Variants in PRCD observed in about 807,000 individuals in gnomAD.
The protein encoded by PRCD is photoreceptor disk component PRCD.
A neutral mutation model predicts 10.1 loss-of-function variants in PRCD; 12 were observed. That is an observed-to-expected ratio of 1.18 (90% CI 0.76 to 1.92). The LOEUF is 1.92. Ranked by LOEUF, PRCD falls within the 40% of genes most tolerant of loss-of-function variation. The pLI is 0.00. For synonymous variants in PRCD, 31 were observed against 26.2 expected, an observed-to-expected ratio of 1.18 and a Z score of -0.56; for missense variants, 61 against 72.2, an observed-to-expected ratio of 0.84 and a Z score of 0.56.
In PRCD at chr17:76,544,377, G is replaced by T; in HGVS notation, c.*727G>T. The T allele has an allele frequency of 2.2e-6, 1 of 454,850 alleles. No individual in the cohort carries two copies. The highest frequency in any genetic ancestry group is 4.4e-6 in the Non-Finnish European group (1 of 226,952). The allele number at this position is 454,850 out of a possible 1,614,324, so 28.2% of individuals were successfully genotyped here. On this transcript the variant is annotated 3_prime_UTR_variant, in exon 5 of 5. Coordinates refer to ENST00000592014, the MANE Select transcript of PRCD (RefSeq NM_001077620.3). ...AAGGGAAGGAAGGGAAAGGGTGAGG[G>T]ATGCCGCAGAGCAGAGGGAACCGCT... is the stretch of plus-strand genomic sequence containing the variant.
chr17:76,548,717 A>G (rs529140448), downstream of PRCD, among the ~76,000 whole-genome samples: 8 of 152,242 alleles, frequency 5.3e-5, no homozygotes, highest in Non-Finnish European at 1.0e-4. Flanking sequence ...GACTTTCCCA[A>G]TCGAAAGCAA....
rs1426416432 is a variant in PRCD, at chr17:76,544,698, AGGGCACT to A, written c.*1050_*1056del. 3 of 456,740 alleles carry A rather than the reference AGGGCACT, an allele frequency of 6.6e-6. No homozygotes were observed. Among genetic ancestry groups the A allele is most frequent in the Non-Finnish European group, 1.3e-5 (3 of 226,972 alleles). 28.3% of individuals were successfully genotyped at this position (456,740 alleles called of 1,614,324 possible). ...ACAGGCCTGTCAGGCTGAGGGCCAG[AGGGCACT>A]GTTCCCGGGACCCAGTCTGTGTTCC... On this transcript the variant is annotated 3_prime_UTR_variant, in exon 5 of 5. Transcript: ENST00000592014.
chr17:76,533,312 C>T lies in PRCD; in HGVS notation n.45+5479C>T, dbSNP rs9903722. Among the ~76,000 whole-genome samples, 28,268 of 152,130 alleles carry T rather than the reference C, an allele frequency of 0.19. 2,729 individuals carry two copies. Among genetic ancestry groups the T allele is most frequent in the South Asian group, 0.25 (1,206 of 4,828 alleles). ...ACACGGGTGAGGACACGTGAGGCGA[C>T]GGGTCTGAAAATACATTGAATTTTC... On this transcript the variant is annotated intron_variant and non_coding_transcript_variant, in intron 1 of 4. Coordinates refer to the PRCD transcript ENST00000397633. The surrounding 1 kb of genome is among the most constrained non-coding windows in gnomAD (Gnocchi z 4.5).
rs1312524428 is a variant in PRCD at position 76,540,847 on chromosome 17, A to C, written c.143+274A>C. ...GCGGTCCCCCGGGGCACCTTCTGTCAGAAGGCACAGGGGAGTGGAAGGAGG... is the reference window on the plus strand; with the variant it reads ...GCGGTCCCCCGGGGCACCTTCTGTCCGAAGGCACAGGGGAGTGGAAGGAGG... On this transcript the variant is annotated intron_variant, in intron 2 of 4. Transcript: ENST00000592014. This position sits in a 1 kb window ranked among gnomAD's most constrained non-coding sequence, Gnocchi z 5.0. 2.0e-5 allele frequency among the ~76,000 whole-genome samples: 3 copies of C among 152,228 alleles called. No individual in the cohort carries two copies. The highest frequency in any genetic ancestry group is 7.2e-5 in the African/African-American group (3 of 41,460).
downstream of PRCD, among the ~76,000 whole-genome samples, chr17:76,548,090 AAC>A (rs909648197): frequency 3.3e-5 from 5 of 152,034 alleles, no homozygotes; most frequent in East Asian, 1.9e-4. Flanking sequence ...ACACAAATAA[AAC>A]AGACACACAG....
chr17:76,547,172 G>C (rs890227970), downstream of PRCD: 5 of 152,420 alleles, frequency 3.3e-5, no homozygotes, highest in South Asian at 8.3e-4. Context: ...TGCCAGGTGA[G>C]GGGGAGAGGA....
At chr17:76,534,138 CTT>C (rs1491300758) in intron 1 of PRCD, among the ~76,000 whole-genome samples, 42 of 124,816 alleles carry the variant, frequency 3.4e-4, no homozygotes, top group Non-Finnish European at 5.2e-4. Flanking sequence ...TTCTCTCTCT[CTT>C]TCTCTTTCTC....
At chr17:76,532,502 G>C (rs2074857295) in intron 1 of PRCD, among the ~76,000 whole-genome samples, 1 of 151,552 alleles carries the variant, frequency 6.6e-6, no homozygotes, top group Non-Finnish European at 1.5e-5. Context: ...CCCTAGCTGG[G>C]GCCCTGCAGT....
At chr17:76,535,334 A>G (rs1390146314), upstream of PRCD, among the ~76,000 whole-genome samples, 2 of 152,098 alleles carry the variant, frequency 1.3e-5, no homozygotes, top group African/African-American at 4.8e-5. Flanking sequence ...GAGGATGTGT[A>G]TGTTGTGTGT....
downstream of PRCD, chr17:76,546,984 C>T (rs571927340): frequency 2.6e-5 from 4 of 152,150 alleles, no homozygotes; most frequent in Non-Finnish European, 4.4e-5. This position sits in a 1 kb window ranked among gnomAD's most constrained non-coding sequence, Gnocchi z 4.5. Flanking sequence ...AGTTGGGGGC[C>T]GTGAGGAAAT....
chr17:76,529,140 A>G (rs1204617588), intron 1 of PRCD: 1 of 979,806 alleles, frequency 1.0e-6, no homozygotes, highest in Non-Finnish European at 1.2e-6. Flanking sequence ...CTTCCCTGAT[A>G]AGAGAAGTTG....
chr17:76,545,305 G>A lies in PRCD; in HGVS notation c.*1655G>A. ...CCTTGGCCCACTGGCTCCCATCACA[G>A]GGCTTAGTGTGAAGCTCAGGGCAAG... On this transcript the variant is annotated 3_prime_UTR_variant, in exon 5 of 5. Transcript: ENST00000592014. 2.2e-6 allele frequency: 1 copy of A among 456,754 alleles called. No homozygotes were observed. Among genetic ancestry groups the A allele is most frequent in the Non-Finnish European group, 4.4e-6 (1 of 226,964 alleles). 28.3% of individuals were successfully genotyped at this position (456,754 alleles called of 1,614,324 possible).
In PRCD at chr17:76,540,232, G is replaced by C; in HGVS notation, c.74+17G>C. The C allele has an allele frequency of 1.3e-6, 2 of 1,486,832 alleles. No homozygotes were observed. The highest frequency in any genetic ancestry group is 1.8e-6 in the Non-Finnish European group (2 of 1,093,610). The allele number at this position is 1,486,832 out of a possible 1,614,324, so 92.1% of individuals were successfully genotyped here. A position where few individuals can be genotyped will look rare whatever the true frequency, so the allele number is the denominator to read the frequency against. Reference sequence around the variant, plus strand: ...AGTCCAACCGTGAGAAACTGACCGGGCTATGGCTGGCGGTTGGTCGGGGGG... The same window carrying C: ...AGTCCAACCGTGAGAAACTGACCGGCCTATGGCTGGCGGTTGGTCGGGGGG... On this transcript the variant is annotated intron_variant, in intron 1 of 4. Transcript: ENST00000592014. This position sits in a 1 kb window ranked among gnomAD's most constrained non-coding sequence, Gnocchi z 5.0.
At position 76,528,570 on chromosome 17, in the gene PRCD, T is replaced by G. The variant is rs8077736; in HGVS notation, n.45+737T>G. The G allele has an allele frequency of 0.45, 574,636 of 1,271,046 alleles. 133,197 individuals are homozygous for G. The highest frequency in any genetic ancestry group is 0.67 in the East Asian group (21,779 of 32,652). The allele number at this position is 1,271,046 out of a possible 1,614,324, so 78.7% of individuals were successfully genotyped here. The stretch of plus-strand genomic sequence containing the variant: ...GTGCTGCCAGGGAGGGGGGTGGAGT[T>G]AGGGGTCCTACGGCCCCGAAGAGGG... On this transcript the variant is annotated intron_variant and non_coding_transcript_variant, in intron 1 of 4. Transcript: ENST00000397633. The surrounding 1 kb of genome is among the most constrained non-coding windows in gnomAD (Gnocchi z 5.8).
Position 76,543,899 on chromosome 17 carries a change from G to T in PRCD, c.*249G>T. The T allele has an allele frequency of 2.1e-6, 1 of 471,014 alleles. No homozygotes were observed. The allele number at this position is 471,014 out of a possible 1,614,324, so 29.2% of individuals were successfully genotyped here. A position where few individuals can be genotyped will look rare whatever the true frequency, so the allele number is the denominator to read the frequency against. ...CATGTCTGCCTGCAGCTGGATGGGA[G>T]CAACGGACAGCTTGTCCTCCGAATG... is the stretch of plus-strand genomic sequence containing the variant. On this transcript the variant is annotated 3_prime_UTR_variant, in exon 5 of 5. Transcript: ENST00000592014.
chr17:76,535,803 A>G (rs1416180815), upstream of PRCD, among the ~76,000 whole-genome samples: 3 of 152,180 alleles, frequency 2.0e-5, no homozygotes, highest in South Asian at 2.1e-4. Context: ...GGGAGGTTCA[A>G]TGGTGTTCCA....
In PRCD at chr17:76,531,164, G is replaced by C. The variant is rs777078364; in HGVS notation, n.45+3331G>C. On this transcript the variant is annotated intron_variant and non_coding_transcript_variant, in intron 1 of 4. Transcript: ENST00000397633. The surrounding 1 kb of genome is among the most constrained non-coding windows in gnomAD (Gnocchi z 7.4). ...GGATCTGGGGGCAAAGGGAGGAAGG[G>C]GGAGTGAACGCCCGGGCGCCCTGCG... The C allele has an allele frequency of 1.9e-6, 3 of 1,606,154 alleles. No homozygotes were observed. In the South Asian group the frequency reaches 3.3e-5, roughly 18 times the overall value.
intron 2 of PRCD, among the ~76,000 whole-genome samples, chr17:76,541,712 C>T (rs1243896890): frequency 1.3e-5 from 2 of 152,188 alleles, no homozygotes; most frequent in Non-Finnish European, 2.9e-5. Flanking sequence ...ACAATGACCA[C>T]CCCTGGGCCT....
intron 1 of PRCD, among the ~76,000 whole-genome samples, chr17:76,534,430 C>T (rs1567907974): frequency 3.3e-5 from 5 of 152,174 alleles, no homozygotes; most frequent in South Asian, 2.1e-4. Flanking sequence ...CTGCCTGCCT[C>T]GGCCTCACAA....
Sources: gnomAD v4.1 joint callset for allele counts (sites outside exome capture counted in the v4.1 genomes callset) on GRCh38, gnomAD v4.1.1 for gene constraint, Gnocchi (gnomAD v3.1) non-coding constraint, MANE v1.5 for transcripts, NCBI Gene and HGNC (gene_info 2026-07-23, HGNC 2026-07-21) for gene names.